The following NLGN1 variants were observed in gnomAD, a reference collection of about 807,000 sequenced individuals.
The protein encoded by NLGN1 is neuroligin-1.
NLGN1 carries 12 observed loss-of-function variants against 65.5 expected under a neutral mutation model. The observed-to-expected ratio is 0.18, with a 90% CI of 0.12 to 0.30. The LOEUF (loss-of-function observed/expected upper bound fraction) is 0.30, where lower values mean the gene tolerates loss of function less well. Ranked by LOEUF, NLGN1 falls within the 10% of genes least tolerant of loss-of-function variation. The pLI is 1.00. For missense variants in NLGN1, 750 were observed against 1,007.1 expected (o/e 0.74, Z 3.46); for synonymous variants, 350 against 359.5 (o/e 0.97, Z 0.30).
intron 3 of NLGN1, among the ~76,000 whole-genome samples, chr3:173,608,081 G>A (rs908380978): frequency 4.6e-5 from 7 of 151,734 alleles, no homozygotes; most frequent in Non-Finnish European, 8.8e-5. Context: ...AAAGAGCAAA[G>A]TATTTTCTGT....
At chr3:173,405,667 A>T (rs774786124) in intron 1 of NLGN1, among the ~76,000 whole-genome samples, 5 of 152,068 alleles carry the variant, frequency 3.3e-5, no homozygotes, top group African/African-American at 9.7e-5. Context: ...CCCTCCAATT[A>T]TGTAATATAT....
intron 4 of NLGN1, among the ~76,000 whole-genome samples, chr3:174,194,786 TAA>T (rs548336247): frequency 4.3e-4 from 45 of 104,586 alleles, no homozygotes; most frequent in Middle Eastern, 5.2e-3. Context: ...ACCTATTCAC[TAA>T]AAAAAAAAAA....
At chr3:173,630,440 T>TA (rs919648130) in intron 3 of NLGN1, among the ~76,000 whole-genome samples, 24 of 148,522 alleles carry the variant, frequency 1.6e-4, no homozygotes, top group South Asian at 6.4e-4. Context: ...GCTAAGAATT[T>TA]AAAAAAAAAA....
At chr3:173,676,015 A>G (rs1309472334) in intron 3 of NLGN1, among the ~76,000 whole-genome samples, 3 of 151,982 alleles carry the variant, frequency 2.0e-5, no homozygotes, top group Non-Finnish European at 4.4e-5. Flanking sequence ...ATAGCTTTGC[A>G]ATATGTTACT....
chr3:173,963,495 G>A (rs1714092170), intron 4 of NLGN1, among the ~76,000 whole-genome samples: 1 of 152,080 alleles, frequency 6.6e-6, no homozygotes, highest in South Asian at 2.1e-4. Context: ...CAGGAGGGAG[G>A]TCTGACTGAG....
At chr3:173,792,890 A>T (rs1026993339) in intron 3 of NLGN1, among the ~76,000 whole-genome samples, 1 of 152,164 alleles carries the variant, frequency 6.6e-6, no homozygotes, top group African/African-American at 2.4e-5. Flanking sequence ...TTGCTCATGA[A>T]TTTCGAAAAC....
At chr3:173,523,638 C>T (rs58371441) in intron 2 of NLGN1, among the ~76,000 whole-genome samples, 12,263 of 151,540 alleles carry the variant, frequency 0.081, 1,630 homozygotes, top group African/African-American at 0.28. Context: ...ACCAATACCA[C>T]GCTGTTTTAG....
intron 3 of NLGN1, among the ~76,000 whole-genome samples, chr3:173,658,985 G>A (rs527963083): frequency 4.6e-5 from 7 of 152,120 alleles, no homozygotes; most frequent in African/African-American, 7.2e-5. Context: ...ATGCTTCTGT[G>A]AAGATAAGCA....
intron 2 of NLGN1, among the ~76,000 whole-genome samples, chr3:173,474,274 T>G (rs1047669255): frequency 6.6e-6 from 1 of 152,134 alleles, no homozygotes; most frequent in Non-Finnish European, 1.5e-5. Context: ...CAGTACTTCA[T>G]GAAAGACTTC....
chr3:174,144,122 G>A (rs2152692747), intron 4 of NLGN1, among the ~76,000 whole-genome samples: 1 of 152,128 alleles, frequency 6.6e-6, no homozygotes, highest in South Asian at 2.1e-4. Flanking sequence ...GTGTCCATGT[G>A]TTCTCATTGT....
chr3:173,998,335 A>C (rs1192246836), intron 4 of NLGN1, among the ~76,000 whole-genome samples: 1 of 152,166 alleles, frequency 6.6e-6, no homozygotes, highest in African/African-American at 2.4e-5. Flanking sequence ...AATTTATCCA[A>C]GCTTACAACA....
At chr3:173,934,320 CATT>C (rs574710088) in intron 4 of NLGN1, among the ~76,000 whole-genome samples, 399 of 148,494 alleles carry the variant, frequency 2.7e-3, no homozygotes, top group African/African-American at 9.3e-3. Context: ...AATAATAAAC[CATT>C]ATTATGTTAT....
At chr3:173,835,332 G>T (rs1391180751) in intron 4 of NLGN1, among the ~76,000 whole-genome samples, 1 of 152,054 alleles carries the variant, frequency 6.6e-6, no homozygotes, top group African/African-American at 2.4e-5. Flanking sequence ...CAAGAGGAAA[G>T]GCTTTTTAAT....
intron 2 of NLGN1, among the ~76,000 whole-genome samples, chr3:173,505,340 T>A (rs1411044804): frequency 1.3e-5 from 2 of 152,094 alleles, no homozygotes; most frequent in Non-Finnish European, 2.9e-5. Context: ...ATGCATGGAA[T>A]CCAGCAGCCA....
chr3:173,648,931 A>C (rs565121575), intron 3 of NLGN1, among the ~76,000 whole-genome samples: 159 of 152,246 alleles, frequency 1.0e-3, no homozygotes, highest in Non-Finnish European at 2.1e-3. Context: ...AAAAGAAAGC[A>C]TGTGTCTATT....
intron 4 of NLGN1, among the ~76,000 whole-genome samples, chr3:174,257,061 T>C (rs1264804522): frequency 6.6e-6 from 1 of 151,742 alleles, no homozygotes; most frequent in East Asian, 1.9e-4. Context: ...AACCAATTTA[T>C]AAGAAAAAAC....
intron 4 of NLGN1, among the ~76,000 whole-genome samples, chr3:174,059,052 C>T (rs993325224): frequency 1.3e-5 from 2 of 152,086 alleles, no homozygotes; most frequent in Admixed American, 6.6e-5. Context: ...AACAGTTTCC[C>T]GTTGCTGTTT....
intron 4 of NLGN1, among the ~76,000 whole-genome samples, chr3:174,247,033 A>G (rs930744628): frequency 3.3e-5 from 5 of 152,228 alleles, no homozygotes; most frequent in African/African-American, 7.2e-5. Flanking sequence ...TAGAGCCTAT[A>G]TAATTGGAGT....
chr3:173,435,608 G>A (rs1457476214), intron 2 of NLGN1, among the ~76,000 whole-genome samples: 3 of 152,140 alleles, frequency 2.0e-5, no homozygotes, highest in Non-Finnish European at 4.4e-5. Context: ...ACTGAGGTGG[G>A]GGCATATCAC....
Sources: allele counts gnomAD v4.1 joint callset (sites outside exome capture counted in the v4.1 genomes callset), GRCh38; gene constraint gnomAD v4.1.1; transcripts MANE v1.5; gene names NCBI Gene and HGNC (gene_info 2026-07-23, HGNC 2026-07-21).